KAT6B: variants seen among roughly 807,000 people sequenced by gnomAD.
KAT6B encodes lysine acetyltransferase 6B.
In KAT6B, 10 loss-of-function variants were observed where a neutral mutation model predicts 187.5. The ratio of observed to expected loss-of-function variants is 0.05; its 90% CI spans 0.03 to 0.09. KAT6B has a LOEUF of 0.09. Ranked by LOEUF, KAT6B falls within the 10% of genes least tolerant of loss-of-function variation. The pLI, the probability that KAT6B is intolerant of heterozygous loss-of-function variation, is 1.00. For synonymous variants in KAT6B, 861 were observed against 926.8 expected (o/e 0.93, Z 1.29); for missense variants, 1,952 against 2,558.9 (o/e 0.76, Z 5.12).
rs1411330536 is a variant in KAT6B at position 74,950,868 on chromosome 10, C to G, written c.622-9102C>G. On this transcript the variant is annotated intron_variant, in intron 3 of 17. Transcript: ENST00000287239. ...ACATGGTAGCTCATTCCTGTAATTC[C>G]AGCACCAGCCGAGGCAGGTGGATCA... Among the ~76,000 whole-genome samples the G allele has an allele frequency of 2.0e-5, 3 of 152,050 alleles. No individual in the cohort carries two copies. The East Asian group carries it at 5.8e-4, about 29-fold the overall frequency.
intron 4 of KAT6B, among the ~76,000 whole-genome samples, chr10:74,966,374 A>G (rs751459491): frequency 3.3e-5 from 5 of 152,214 alleles, no homozygotes; most frequent in Non-Finnish European, 7.3e-5. Flanking sequence ...TCTTTTTGCT[A>G]CAACAGGTAT....
intron 3 of KAT6B, among the ~76,000 whole-genome samples, chr10:74,936,856 C>T (rs1426821028): frequency 1.3e-5 from 2 of 152,070 alleles, no homozygotes; most frequent in South Asian, 2.1e-4. Flanking sequence ...TTATTAATGC[C>T]AGTTTTGTAT....
intron 7 of KAT6B, among the ~76,000 whole-genome samples, chr10:74,974,074 A>G (rs1254183095): frequency 4.6e-5 from 7 of 152,192 alleles, no homozygotes; most frequent in African/African-American, 1.4e-4. Flanking sequence ...TTCCAGATAC[A>G]ATCCAAATGC....
At chr10:74,871,034 C>T (rs1389310378) in intron 3 of KAT6B, among the ~76,000 whole-genome samples, 3 of 150,630 alleles carry the variant, frequency 2.0e-5, no homozygotes, top group Non-Finnish European at 4.4e-5. Context: ...CCCAGCACCA[C>T]GCCCAACTAA....
At chr10:74,871,437 C>T (rs564962943) in intron 3 of KAT6B, among the ~76,000 whole-genome samples, 44 of 152,154 alleles carry the variant, frequency 2.9e-4, no homozygotes, top group Non-Finnish European at 5.0e-4. Flanking sequence ...AAGTGATCCA[C>T]CTGCCTTGGC....
At chr10:74,888,208 G>A (rs146044783) in intron 3 of KAT6B, among the ~76,000 whole-genome samples, 222 of 152,266 alleles carry the variant, frequency 1.5e-3, no homozygotes, top group African/African-American at 5.2e-3. Flanking sequence ...AAAGTATTAC[G>A]TACATGTAAG....
chr10:74,871,071 G>A (rs372106288), intron 3 of KAT6B, among the ~76,000 whole-genome samples: 1 of 149,730 alleles, frequency 6.7e-6, no homozygotes, highest in East Asian at 2.0e-4. Context: ...TAGTAGAGAC[G>A]GGGTTCCACC....
At chr10:74,903,403 GAAGA>G (rs1846536835) in intron 3 of KAT6B, among the ~76,000 whole-genome samples, 1 of 152,188 alleles carries the variant, frequency 6.6e-6, no homozygotes, top group South Asian at 2.1e-4. Flanking sequence ...CAGCAGGTGG[GAAGA>G]AAGAGTGATC....
intron 3 of KAT6B, among the ~76,000 whole-genome samples, chr10:74,906,843 G>A (rs968788748): frequency 6.6e-5 from 10 of 152,070 alleles, no homozygotes; most frequent in African/African-American, 2.4e-4. Context: ...TGGAGCGTCC[G>A]CCTCTGGAGT....
In KAT6B at chr10:75,022,147, G is replaced by GGAA. The variant is rs71929101; in HGVS notation, c.3310_3312dup (p.Glu1104dup). On this transcript the variant is annotated inframe_insertion, in exon 16 of 18. Transcript: ENST00000287239. ...AAGAGGATGAAGAGGAGGAAGAAGA[G>GGAA]GAAGAAGAAGAAGAAGAAGAAGAAA... 6.4e-3 allele frequency: 10,211 copies of GGAA among 1,605,902 alleles called. 21 individuals carry two copies. The highest frequency in any genetic ancestry group is 7.6e-3 in the Non-Finnish European group (8,906 of 1,175,164).
chr10:74,977,250 G>A (rs1053397889), intron 8 of KAT6B, 66 bp from the exon 9 acceptor site: 4 of 1,580,458 alleles, frequency 2.5e-6, no homozygotes, highest in Non-Finnish European at 3.5e-6. Flanking sequence ...TGCCATTTTG[G>A]TAATATATGG....
intron 13 of KAT6B, among the ~76,000 whole-genome samples, chr10:74,996,716 C>G (rs993151020): frequency 1.4e-5 from 2 of 140,426 alleles, no homozygotes; most frequent in African/African-American, 2.7e-5. Flanking sequence ...TTGCAGTGAG[C>G]TGAGATCGCA....
intron 3 of KAT6B, among the ~76,000 whole-genome samples, chr10:74,926,403 G>A (rs548568036): frequency 6.6e-6 from 1 of 152,256 alleles, no homozygotes; most frequent in Non-Finnish European, 1.5e-5. Context: ...GCAGTGAGTC[G>A]AGATTGCACC....
intron 6 of KAT6B, among the ~76,000 whole-genome samples, chr10:74,971,720 A>G (rs983199775): frequency 1.3e-5 from 2 of 152,052 alleles, no homozygotes; most frequent in African/African-American, 4.8e-5. Flanking sequence ...TCAGTTTTAA[A>G]TGTCAGTCAT....
At chr10:75,016,299 A>C (rs986327252) in intron 13 of KAT6B, among the ~76,000 whole-genome samples, 2 of 152,180 alleles carry the variant, frequency 1.3e-5, no homozygotes, top group African/African-American at 4.8e-5. Context: ...GCCTTAACAG[A>C]GGTGAGGCAC....
chr10:74,826,438 G>T (rs1589419518), upstream of KAT6B, among the ~76,000 whole-genome samples: 1 of 152,116 alleles, frequency 6.6e-6, no homozygotes, highest in Admixed American at 6.5e-5. Context: ...CGAGATGACC[G>T]GCAGGAACCT....
At chr10:75,006,756 A>G (rs546723184) in intron 13 of KAT6B, among the ~76,000 whole-genome samples, 54 of 152,118 alleles carry the variant, frequency 3.5e-4, no homozygotes, top group Non-Finnish European at 7.5e-4. Context: ...ACATCTTTTT[A>G]TAAACATATT....
At chr10:74,959,035 T>TATAAATAAATAA (rs10652616) in intron 3 of KAT6B, among the ~76,000 whole-genome samples, 3,574 of 144,454 alleles carry the variant, frequency 0.025, 120 homozygotes, top group African/African-American at 0.07. Flanking sequence ...AGACTCTGTC[T>TATAAATAAATAA]ATAAATAAAT....
intron 10 of KAT6B, 123 bp downstream of exon 10, chr10:74,979,462 A>G: frequency 1.4e-6 from 1 of 737,810 alleles, no homozygotes; most frequent in African/African-American, 1.7e-5. Flanking sequence ...GTCAATGCCA[A>G]GTGCTTCCCA....
Sources: allele counts gnomAD v4.1 joint callset (sites outside exome capture counted in the v4.1 genomes callset), GRCh38; gene constraint gnomAD v4.1.1; transcripts MANE v1.5; gene names NCBI Gene and HGNC (gene_info 2026-07-23, HGNC 2026-07-21).